Variants in TRAPPC9 observed in about 807,000 individuals in gnomAD.
TRAPPC9 encodes trafficking protein particle complex subunit 9.
A neutral mutation model predicts 124.0 loss-of-function variants in TRAPPC9; 83 were observed. The ratio of observed to expected loss-of-function variants is 0.67; its 90% CI spans 0.56 to 0.80. The LOEUF is 0.80. Among genes scored for constraint, TRAPPC9 ranks in the 30% least tolerant of loss-of-function variants. The pLI, the probability that TRAPPC9 is intolerant of heterozygous loss-of-function variation, is 0.00. For synonymous variants in TRAPPC9, 638 were observed against 617.5 expected (o/e 1.03, Z -0.49); for missense variants, 1,302 against 1,508.3 (o/e 0.86, Z 2.27).
intron 21 of TRAPPC9, among the ~76,000 whole-genome samples, chr8:139,735,398 C>A (rs1818091885): frequency 6.6e-6 from 1 of 152,196 alleles, no homozygotes; most frequent in Non-Finnish European, 1.5e-5. Context: ...GGTTACCTGT[C>A]TGTGCTGTGC....
In TRAPPC9 at chr8:139,962,145, A is replaced by G. The variant is rs1193912398; in HGVS notation, c.2810+26581T>C. On this transcript the variant is annotated intron_variant, in intron 19 of 22. Coordinates refer to ENST00000438773, the MANE Select transcript of TRAPPC9 (RefSeq NM_001160372.4). The stretch of plus-strand genomic sequence containing the variant: ...TCTCCTCTAGCTGTTGTAACACTCA[A>G]TGACGCTCATCTTCATCTTGTTCAC... 2.4e-5 allele frequency among the ~76,000 whole-genome samples: 3 copies of G among 124,184 alleles called. 1 individual carries two copies. Among genetic ancestry groups the G allele is most frequent in the East Asian group, 4.5e-4 (2 of 4,492 alleles). 81.5% of individuals were successfully genotyped at this position (124,184 alleles called of 152,430 possible).
chr8:139,847,408 G>A (rs574407778), intron 21 of TRAPPC9, among the ~76,000 whole-genome samples: 2 of 152,340 alleles, frequency 1.3e-5, no homozygotes, highest in East Asian at 3.9e-4. Flanking sequence ...GGGGGTTCCG[G>A]AGCCAGTTCA....
chr8:139,746,808 C>T (rs564282148), intron 21 of TRAPPC9, among the ~76,000 whole-genome samples: 44 of 152,352 alleles, frequency 2.9e-4, no homozygotes, highest in East Asian at 5.8e-4. Context: ...GCTGTGCCCA[C>T]GGCCACATTG....
At chr8:139,762,679 C>T (rs903100084) in intron 21 of TRAPPC9, among the ~76,000 whole-genome samples, 7 of 152,298 alleles carry the variant, frequency 4.6e-5, no homozygotes, top group African/African-American at 1.2e-4. Flanking sequence ...ATGTGGTGCA[C>T]GACTGTAATT....
At chr8:140,208,592 C>T (rs2062983073) in intron 17 of TRAPPC9, among the ~76,000 whole-genome samples, 1 of 152,234 alleles carries the variant, frequency 6.6e-6, no homozygotes, top group Non-Finnish European at 1.5e-5. Context: ...CAGGAAGACA[C>T]ACTGGAAGAG....
chr8:139,733,666 G>A (rs1291757672), intron 21 of TRAPPC9, among the ~76,000 whole-genome samples: 1 of 152,220 alleles, frequency 6.6e-6, no homozygotes, highest in Non-Finnish European at 1.5e-5. Context: ...ACATGATGGT[G>A]ACACGCATAG....
intron 19 of TRAPPC9, among the ~76,000 whole-genome samples, chr8:139,943,452 A>G (rs1477426845): frequency 6.6e-6 from 1 of 152,226 alleles, no homozygotes; most frequent in African/African-American, 2.4e-5. Flanking sequence ...AAAGGACTAT[A>G]ACAAAATCCA....
In TRAPPC9 at chr8:140,311,385, G is replaced by C; in HGVS notation, c.1496-11C>G. ...CCACATCTTTCTTTTCTGAAGAGAA[G>C]ATGAAAACAAAATAAAGATGTATTA... is the stretch of plus-strand genomic sequence containing the variant. On this transcript the variant is annotated splice_polypyrimidine_tract_variant and intron_variant, in intron 9 of 22. Transcript: ENST00000438773. 6.2e-7 allele frequency: 1 copy of C among 1,613,050 alleles called. No homozygotes were observed. Among genetic ancestry groups the C allele is most frequent in the South Asian group, 1.1e-5 (1 of 91,068 alleles).
chr8:140,443,041 G>A (rs943257186), intron 2 of TRAPPC9, among the ~76,000 whole-genome samples: 2 of 143,142 alleles, frequency 1.4e-5, no homozygotes, highest in African/African-American at 2.6e-5. Flanking sequence ...GCTGAGGCAG[G>A]AGAATCGCTT....
chr8:139,893,852 T>C (rs772683846), intron 20 of TRAPPC9, among the ~76,000 whole-genome samples: 3 of 152,208 alleles, frequency 2.0e-5, no homozygotes, highest in Non-Finnish European at 4.4e-5. Context: ...CTTGCTGGCT[T>C]TGAGTGACAG....
At chr8:139,733,571 C>T (rs550401769) in intron 21 of TRAPPC9, among the ~76,000 whole-genome samples, 9 of 152,322 alleles carry the variant, frequency 5.9e-5, no homozygotes, top group Non-Finnish European at 1.2e-4. Flanking sequence ...AACTGCGTGG[C>T]CCTGGGAGCC....
intron 17 of TRAPPC9, among the ~76,000 whole-genome samples, chr8:140,212,792 T>TC (rs2131262651): frequency 6.6e-6 from 1 of 152,252 alleles, no homozygotes; most frequent in East Asian, 1.9e-4. Context: ...TTTAAGAAGT[T>TC]TTTTTTGGCT....
intron 17 of TRAPPC9, among the ~76,000 whole-genome samples, chr8:140,218,140 G>A (rs1342000447): frequency 2.0e-5 from 3 of 151,988 alleles, no homozygotes; most frequent in East Asian, 1.9e-4. Context: ...AGAGCTGCAC[G>A]ACGCCACCAC....
intron 17 of TRAPPC9, among the ~76,000 whole-genome samples, chr8:140,212,276 G>A (rs1296139440): frequency 6.6e-6 from 1 of 152,228 alleles, no homozygotes; most frequent in Non-Finnish European, 1.5e-5. Flanking sequence ...TCCTGTTTCT[G>A]ATTTGCTGAG....
rs1277650528 is a variant in TRAPPC9, at chr8:139,788,356, G to C, written c.3056-56154C>G. 6.6e-6 allele frequency among the ~76,000 whole-genome samples: 1 copy of C among 152,220 alleles called. No individual in the cohort carries two copies. The highest frequency in any genetic ancestry group is 1.5e-5 in the Non-Finnish European group (1 of 68,032). ...CCTTTTTCCCACAGGGAAAAGGAGT[G>C]GGAACAGGTTTCTAAAAATAGCCTG... On this transcript the variant is annotated intron_variant, in intron 21 of 22. Coordinates refer to ENST00000438773, the MANE Select transcript of TRAPPC9 (RefSeq NM_001160372.4). The surrounding 1 kb of genome is among the most constrained non-coding windows in gnomAD (Gnocchi z 4.9).
chr8:140,331,760 T>C (rs2066900413), intron 9 of TRAPPC9, among the ~76,000 whole-genome samples: 1 of 151,910 alleles, frequency 6.6e-6, no homozygotes, highest in African/African-American at 2.4e-5. Context: ...GAAATGCAAA[T>C]CAAAACCACA....
At chr8:140,381,569 G>A (rs2068609004) in intron 7 of TRAPPC9, among the ~76,000 whole-genome samples, 1 of 150,086 alleles carries the variant, frequency 6.7e-6, no homozygotes, top group Admixed American at 6.7e-5. Context: ...TCAGGAGGCT[G>A]AGGCAGGAGA....
intron 21 of TRAPPC9, among the ~76,000 whole-genome samples, chr8:139,778,484 C>T (rs548969317): frequency 6.6e-6 from 1 of 152,118 alleles, no homozygotes; most frequent in East Asian, 1.9e-4. Flanking sequence ...TCAAAACAGG[C>T]CCAGAACTGA....
chr8:140,431,534 T>C (rs73356500), intron 4 of TRAPPC9, among the ~76,000 whole-genome samples: 4,185 of 152,288 alleles, frequency 0.027, 195 homozygotes, highest in African/African-American at 0.09. Flanking sequence ...ATTTTTCCTA[T>C]TTCAATGCCT....
Sources: allele counts gnomAD v4.1 joint callset (sites outside exome capture counted in the v4.1 genomes callset), GRCh38; gene constraint gnomAD v4.1.1; non-coding constraint Gnocchi (gnomAD v3.1); transcripts MANE v1.5; gene names NCBI Gene and HGNC (gene_info 2026-07-23, HGNC 2026-07-21).